NXPE2: variants seen among roughly 807,000 people sequenced by gnomAD.
NXPE2 encodes the protein neurexophilin and PC-esterase domain family member 2, also known as NXPE family member 2.
A neutral mutation model predicts 34.4 loss-of-function variants in NXPE2; 34 were observed. The observed-to-expected ratio is 0.99, with a 90% confidence interval of 0.75 to 1.31. The LOEUF (loss-of-function observed/expected upper bound fraction) is 1.31. Ranked by LOEUF, NXPE2 falls within the 40% of genes most tolerant of loss-of-function variation. NXPE2 has a pLI of 0.00. For missense variants in NXPE2, 649 were observed against 672.5 expected (o/e 0.97, Z 0.39); for synonymous variants, 235 against 231.3 (o/e 1.02, Z -0.15).
the NXPE2 span, among the ~76,000 whole-genome samples, chr11:114,811,411 G>A: frequency 1.3e-5 from 2 of 152,048 alleles, no homozygotes; most frequent in African/African-American, 2.4e-5. Flanking sequence ...AAAAGGTAGG[G>A]ATAGGGGGTG....
the NXPE2 span, among the ~76,000 whole-genome samples, chr11:114,651,703 T>G: frequency 1.3e-5 from 2 of 152,160 alleles, no homozygotes; most frequent in South Asian, 2.1e-4. Flanking sequence ...GAGTGTTGAT[T>G]GGTGTGTTTG....
chr11:114,488,523 G>A, the NXPE2 span, among the ~76,000 whole-genome samples: 1 of 152,172 alleles, frequency 6.6e-6, no homozygotes, highest in Non-Finnish European at 1.5e-5. Context: ...AGACCACAGT[G>A]CAATCAAACT....
chr11:114,610,614 C>T, the NXPE2 span, among the ~76,000 whole-genome samples: 9 of 151,418 alleles, frequency 5.9e-5, no homozygotes, highest in East Asian at 2.0e-4. Context: ...CACTGTTACC[C>T]GGTGGATAAT....
the NXPE2 span, among the ~76,000 whole-genome samples, chr11:114,777,070 T>C: frequency 1.3e-5 from 2 of 152,248 alleles, no homozygotes; most frequent in African/African-American, 2.4e-5. Flanking sequence ...TCTCAAATGT[T>C]GGACACCAAC....
At chr11:114,525,634 A>C in the NXPE2 span, among the ~76,000 whole-genome samples, 2 of 152,200 alleles carry the variant, frequency 1.3e-5, no homozygotes, top group Non-Finnish European at 2.9e-5. Flanking sequence ...CCTTCTGTGC[A>C]GCACAGTGAA....
the NXPE2 span, among the ~76,000 whole-genome samples, chr11:114,787,386 G>C: frequency 2.6e-5 from 4 of 152,098 alleles, no homozygotes; most frequent in Non-Finnish European, 5.9e-5. Context: ...GGGTGGGAAC[G>C]GGGGAGCATC....
At chr11:114,582,739 A>C in the NXPE2 span, 1 of 1,614,050 alleles carries the variant, frequency 6.2e-7, no homozygotes, top group Non-Finnish European at 8.5e-7. Context: ...CTGCGTCCCA[A>C]GTGGTCCCTC....
chr11:114,469,845 C>T, the NXPE2 span, among the ~76,000 whole-genome samples: 1 of 152,184 alleles, frequency 6.6e-6, no homozygotes, highest in Non-Finnish European at 1.5e-5. Flanking sequence ...TCCTTCCACA[C>T]ACTTCATGCC....
At chr11:114,582,272 A>G in the NXPE2 span, 23 of 1,543,808 alleles carry the variant, frequency 1.5e-5, no homozygotes, top group South Asian at 2.6e-5. Flanking sequence ...TAGTCTCAAG[A>G]AGTAATTATT....
chr11:114,534,986 C>T, the NXPE2 span, among the ~76,000 whole-genome samples: 3 of 152,132 alleles, frequency 2.0e-5, no homozygotes, highest in African/African-American at 7.2e-5. Flanking sequence ...TTGTCAAATT[C>T]ACCAAAGTTT....
At chr11:114,665,600 A>G in the NXPE2 span, among the ~76,000 whole-genome samples, 1 of 152,186 alleles carries the variant, frequency 6.6e-6, no homozygotes, top group Non-Finnish European at 1.5e-5. Context: ...TATTAGTAGG[A>G]CAGGACAGCA....
At chr11:114,723,741 A>G in the NXPE2 span, among the ~76,000 whole-genome samples, 1 of 152,186 alleles carries the variant, frequency 6.6e-6, no homozygotes, top group South Asian at 2.1e-4. Flanking sequence ...TGTCACAAAA[A>G]TGATCCTGGC....
chr11:114,746,080 T>C, the NXPE2 span, among the ~76,000 whole-genome samples: 1 of 152,336 alleles, frequency 6.6e-6, no homozygotes, highest in Non-Finnish European at 1.5e-5. Flanking sequence ...ATGATGGTTA[T>C]TTTTAGCTTT....
At chr11:114,615,688 AG>A in the NXPE2 span, among the ~76,000 whole-genome samples, 1 of 149,042 alleles carries the variant, frequency 6.7e-6, no homozygotes, top group African/African-American at 2.5e-5. Context: ...TGTTGCCTCT[AG>A]GGTAACCACT....
chr11:114,491,856 G>T, the NXPE2 span, among the ~76,000 whole-genome samples: 2 of 152,166 alleles, frequency 1.3e-5, no homozygotes, highest in African/African-American at 4.8e-5. Context: ...CATGTCCTTT[G>T]TAGGGACATG....
chr11:114,511,812 T>A, the NXPE2 span, among the ~76,000 whole-genome samples: 1 of 152,140 alleles, frequency 6.6e-6, no homozygotes, highest in Non-Finnish European at 1.5e-5. Flanking sequence ...GCCTGGCACC[T>A]CATCTCTCTC....
At chr11:114,659,979 TATAAC>T in the NXPE2 span, among the ~76,000 whole-genome samples, 1 of 152,074 alleles carries the variant, frequency 6.6e-6, no homozygotes, top group Non-Finnish European at 1.5e-5. Flanking sequence ...TTATTACAGA[TATAAC>T]AGACATTAGA....
At chr11:114,691,270 T>C (rs1951143957) in intron 2 of NXPE2, among the ~76,000 whole-genome samples, 1 of 152,176 alleles carries the variant, frequency 6.6e-6, no homozygotes, top group Admixed American at 6.5e-5. Context: ...TCTTTCTTTT[T>C]TTTCTTGGGG....
chr11:114,480,338 GC>G, the NXPE2 span, among the ~76,000 whole-genome samples: 24 of 152,328 alleles, frequency 1.6e-4, no homozygotes, highest in Non-Finnish European at 2.9e-4. Flanking sequence ...CAAGTGATTG[GC>G]TCAGGGGTGG....
Sources: allele counts gnomAD v4.1 joint callset (sites outside exome capture counted in the v4.1 genomes callset), GRCh38; gene constraint gnomAD v4.1.1; transcripts MANE v1.5; gene names NCBI Gene and HGNC (gene_info 2026-07-23, HGNC 2026-07-21).